The following PCSK5 variants were observed in gnomAD, a reference collection of about 807,000 sequenced individuals.
The protein encoded by PCSK5 is prohormone convertase 5.
In PCSK5, 129 loss-of-function variants were observed where a neutral mutation model predicts 233.2. The observed-to-expected ratio is 0.55, with a 90% CI of 0.48 to 0.64. The LOEUF is 0.64. Ranked by LOEUF, PCSK5 falls within the 30% of genes least tolerant of loss-of-function variation. The pLI is 0.00. For missense variants in PCSK5, 2,076 were observed against 2,430.1 expected, an observed-to-expected ratio of 0.85 and a Z score of 3.06; for synonymous variants, 825 against 879.2, an observed-to-expected ratio of 0.94 and a Z score of 1.09.
In PCSK5 at chr9:76,058,210, G is replaced by A. The variant is rs534583250; in HGVS notation, c.633-9745G>A. ...ACACCAAGAGAATTTCTCTGAGAAA[G>A]TTCAAATCTATAAGCCTAGGCAGGT... On this transcript the variant is annotated intron_variant, in intron 5 of 37. Transcript: ENST00000674117. Among the ~76,000 whole-genome samples the A allele has an allele frequency of 2.6e-5, 4 of 152,190 alleles. No individual in the cohort carries two copies. In the East Asian group the frequency reaches 7.8e-4, roughly 30 times the overall value.
chr9:75,948,266 C>T (rs757353169), intron 2 of PCSK5, among the ~76,000 whole-genome samples: 9 of 151,878 alleles, frequency 5.9e-5, no homozygotes, highest in Non-Finnish European at 1.3e-4. Flanking sequence ...CCCATCAACT[C>T]GTCATTTACA....
At chr9:76,199,079 G>T (rs1419508994) in intron 20 of PCSK5, among the ~76,000 whole-genome samples, 1 of 152,152 alleles carries the variant, frequency 6.6e-6, no homozygotes, top group Non-Finnish European at 1.5e-5. Context: ...AACTAAGAAA[G>T]TATACTTACA....
At position 76,132,869 on chromosome 9, in the gene PCSK5, C is replaced by T. The variant is rs186271103; in HGVS notation, c.1209-1240C>T. 3.3e-3 allele frequency among the ~76,000 whole-genome samples: 498 copies of T among 151,960 alleles called. 4 individuals carry two copies. Among genetic ancestry groups the T allele is most frequent in the African/African-American group, 0.011 (476 of 41,458 alleles). On this transcript the variant is annotated intron_variant, in intron 9 of 37. Coordinates refer to ENST00000674117, the MANE Select transcript of PCSK5 (RefSeq NM_001372043.1). ...ACTAGACCCCTTCTTACTAGAAGGC[C>T]GCCCTGACCACCCTAAAAAACATAG...
At chr9:76,139,172 T>C (rs1435646765) in intron 10 of PCSK5, among the ~76,000 whole-genome samples, 1 of 152,144 alleles carries the variant, frequency 6.6e-6, no homozygotes, top group African/African-American at 2.4e-5. Flanking sequence ...TTTCAGTTTG[T>C]AACACTTATT....
rs140585978 is a variant in PCSK5, at chr9:75,944,985, T to G, written c.297+12502T>G. On this transcript the variant is annotated intron_variant, in intron 2 of 37. Coordinates refer to ENST00000674117, the MANE Select transcript of PCSK5 (RefSeq NM_001372043.1). ...TTAGCCGGGTGTAGTGGTGCATGCC[T>G]GTAATCCCAACTACTCGGGAGGCTG... Among the ~76,000 whole-genome samples, 287 of 151,992 alleles carry G rather than the reference T, an allele frequency of 1.9e-3. 4 individuals are homozygous for G. The highest frequency in any genetic ancestry group is 6.5e-3 in the African/African-American group (271 of 41,500).
intron 12 of PCSK5, among the ~76,000 whole-genome samples, chr9:76,163,441 T>A (rs1822955752): frequency 6.6e-6 from 1 of 152,192 alleles, no homozygotes; most frequent in South Asian, 2.1e-4. Flanking sequence ...CAGTCCAGCT[T>A]GAGCTCTGTG....
chr9:75,971,775 G>GT (rs143114049), intron 2 of PCSK5, among the ~76,000 whole-genome samples: 156 of 148,488 alleles, frequency 1.1e-3, no homozygotes, highest in South Asian at 2.1e-3. Flanking sequence ...TTTTTAATAG[G>GT]TTTTTTTTTT....
intron 13 of PCSK5, 151 bp from the exon 14 acceptor site, chr9:76,174,835 G>C (rs547394939): frequency 3.1e-6 from 2 of 636,292 alleles, no homozygotes; most frequent in Non-Finnish European, 5.5e-6. Flanking sequence ...CGAGAAATAC[G>C]CATTTCTAGC....
rs183023827 is a variant in PCSK5, at chr9:76,333,445, C to T, written c.4748+835C>T. Reference sequence around the variant, plus strand: ...CCATTAATTCCCCAACCTGTCATGTCACCTATAAATCCACAAATTACAGGT... The same window carrying T: ...CCATTAATTCCCCAACCTGTCATGTTACCTATAAATCCACAAATTACAGGT... On this transcript the variant is annotated intron_variant, in intron 34 of 37. Transcript: ENST00000674117. 1.1e-3 allele frequency among the ~76,000 whole-genome samples: 161 copies of T among 152,266 alleles called. 2 individuals are homozygous for T. Among genetic ancestry groups the T allele is most frequent in the African/African-American group, 3.8e-3 (156 of 41,548 alleles).
intron 1 of PCSK5, among the ~76,000 whole-genome samples, chr9:75,901,380 C>T (rs556356515): frequency 5.9e-5 from 9 of 152,058 alleles, no homozygotes; most frequent in Non-Finnish European, 1.2e-4. Flanking sequence ...AACAGAAAAC[C>T]AAACACCACA....
At chr9:76,354,761 AGCAAGAT>A (rs1302955782) in intron 37 of PCSK5, among the ~76,000 whole-genome samples, 9 of 152,228 alleles carry the variant, frequency 5.9e-5, no homozygotes, top group African/African-American at 2.2e-4. Context: ...TGGGTGACAG[AGCAAGAT>A]GCTGTCTAAA....
intron 3 of PCSK5, among the ~76,000 whole-genome samples, chr9:76,012,859 G>C (rs193252090): frequency 1.3e-5 from 2 of 152,044 alleles, no homozygotes; most frequent in East Asian, 3.9e-4. Flanking sequence ...ATTACTCCCT[G>C]TTTTCTGAGC....
intron 9 of PCSK5, among the ~76,000 whole-genome samples, chr9:76,111,877 CAG>C (rs929863492): frequency 1.6e-4 from 25 of 151,914 alleles, no homozygotes; most frequent in African/African-American, 5.8e-4. Context: ...ATAGATCTAT[CAG>C]GGGGAAAAAA....
Position 76,321,640 on chromosome 9 carries a change from G to A in PCSK5, c.4102+1G>A. 6.2e-7 allele frequency: 1 copy of A among 1,600,382 alleles called. No individual in the cohort carries two copies. Among genetic ancestry groups the A allele is most frequent in the Non-Finnish European group, 8.6e-7 (1 of 1,169,302 alleles). ...TGCATCCATGAGAAAACATGCAAAG[G>A]TACCTAGGAGCTTCCCACAGGAGAG... On this transcript the variant is annotated splice_donor_variant, in intron 31 of 37. Coordinates refer to ENST00000674117, the MANE Select transcript of PCSK5 (RefSeq NM_001372043.1). LOFTEE classifies it high-confidence loss of function.
chr9:76,042,061 A>G (rs1829144279), intron 5 of PCSK5, among the ~76,000 whole-genome samples: 1 of 152,178 alleles, frequency 6.6e-6, no homozygotes, highest in African/African-American at 2.4e-5. Context: ...ATAGGGTGTT[A>G]CCTTGTGTAT....
intron 13 of PCSK5, 81 bp downstream of exon 13, chr9:76,169,921 CACATAT>C: frequency 2.8e-6 from 3 of 1,084,378 alleles, no homozygotes; most frequent in Admixed American, 1.9e-5. Flanking sequence ...GTTTCACACT[CACATAT>C]TAGCATCTTT....
intron 20 of PCSK5, among the ~76,000 whole-genome samples, chr9:76,192,397 C>G (rs1824437609): frequency 6.6e-6 from 1 of 152,162 alleles, no homozygotes; most frequent in South Asian, 2.1e-4. Flanking sequence ...TATTTATTCT[C>G]TTTCAACTGT....
intron 1 of PCSK5, among the ~76,000 whole-genome samples, chr9:75,892,434 GC>G (rs1825650330): frequency 6.6e-6 from 1 of 152,206 alleles, no homozygotes; most frequent in Non-Finnish European, 1.5e-5. Flanking sequence ...TTTGGGGTTG[GC>G]CGGAGGGGCG....
At position 76,321,443 on chromosome 9, in the gene PCSK5, C is replaced by T; in HGVS notation, c.3906C>T (p.Gly1302=). The T allele has an allele frequency of 6.2e-7, 1 of 1,600,998 alleles. No homozygotes were observed. The highest frequency in any genetic ancestry group is 1.7e-5 in the Admixed American group (1 of 60,002). ...KCPEGSYAED[G]ICERCSSPCR... ...ACAGGGGCTCTTATGCAGAAGACGG[C>T]ATATGTGAACGCTGTAGCTCTCCTT... is the stretch of plus-strand genomic sequence containing the variant. The change falls in exon 31 of 38, where the codon GGC becomes GGT. Residue 1302 remains glycine (G), a synonymous_variant. Transcript: ENST00000674117.
Sources: gnomAD v4.1 joint callset for allele counts (sites outside exome capture counted in the v4.1 genomes callset) on GRCh38, gnomAD v4.1.1 for gene constraint, MANE v1.5 for transcripts, NCBI Gene and HGNC (gene_info 2026-07-23, HGNC 2026-07-21) for gene names.